ERBB4: variants seen among roughly 807,000 people sequenced by gnomAD.
ERBB4 encodes the protein erb-b2 receptor tyrosine kinase 4.
In ERBB4, 42 loss-of-function variants were observed where a neutral mutation model predicts 158.0. The ratio of observed to expected loss-of-function variants is 0.27; its 90% CI spans 0.21 to 0.34. ERBB4 has a LOEUF of 0.34. ERBB4 is among the 10% of genes least tolerant of loss of function. ERBB4 has a pLI of 1.00. For synonymous variants in ERBB4, 583 were observed against 558.7 expected, an observed-to-expected ratio of 1.04 and a Z score of -0.61; for missense variants, 1,333 against 1,624.1, an observed-to-expected ratio of 0.82 and a Z score of 3.08.
intron 19 of ERBB4, among the ~76,000 whole-genome samples, chr2:211,602,183 C>T (rs930978419): frequency 1.3e-5 from 2 of 152,022 alleles, no homozygotes; most frequent in East Asian, 1.9e-4. Context: ...GTCACAGGCC[C>T]AGGACCTGAT....
At chr2:211,653,521 A>G (rs1335170619) in intron 16 of ERBB4, among the ~76,000 whole-genome samples, 1 of 147,554 alleles carries the variant, frequency 6.8e-6, no homozygotes, top group Admixed American at 6.8e-5. Flanking sequence ...ACAGAATACA[A>G]TATAATGGGG....
At chr2:211,778,458 A>T (rs1047188791) in intron 4 of ERBB4, 2 of 152,236 alleles carry the variant, frequency 1.3e-5, no homozygotes, top group Admixed American at 1.3e-4. Context: ...CATTCGTTAT[A>T]ATCTTCTTTA....
At position 211,562,639 on chromosome 2, in the gene ERBB4, TTAA is replaced by T. The variant is rs565491907; in HGVS notation, c.2302-554_2302-552del. ...CAATTTATATAAAATAATAAACATT[TTAA>T]TAAGATATTTTGTTTCATAATTTTA... On this transcript the variant is annotated intron_variant, in intron 19 of 27. Transcript: ENST00000342788. 2.5e-3 allele frequency among the ~76,000 whole-genome samples: 386 copies of T among 152,268 alleles called. 3 individuals carry two copies. The highest frequency in any genetic ancestry group is 8.8e-3 in the African/African-American group (365 of 41,546).
At chr2:211,683,768 A>C (rs538564462) in intron 12 of ERBB4, among the ~76,000 whole-genome samples, 1 of 151,754 alleles carries the variant, frequency 6.6e-6, no homozygotes, top group South Asian at 2.1e-4. Context: ...GAAAGTAGCA[A>C]ACTATTTTCT....
At chr2:212,426,619 T>C (rs1043184978) in intron 1 of ERBB4, among the ~76,000 whole-genome samples, 1 of 152,102 alleles carries the variant, frequency 6.6e-6, no homozygotes, top group Non-Finnish European at 1.5e-5. Flanking sequence ...ATATCTAACA[T>C]CACTGATCTA....
intron 1 of ERBB4, among the ~76,000 whole-genome samples, chr2:212,413,277 C>T (rs1271192270): frequency 2.6e-5 from 4 of 151,742 alleles, no homozygotes; most frequent in East Asian, 1.9e-4. Context: ...CGAGCCACCC[C>T]GCCCAGCCTA....
Position 212,095,946 on chromosome 2 carries a change from G to A in ERBB4, c.234+28806C>T, listed in dbSNP as rs72937797. ...CGAGACTCTGTCTCAAAAAAAAAAA[G>A]AAAAAAAAAAAAAGAAAGAAAGAAG... On this transcript the variant is annotated intron_variant, in intron 2 of 27. Transcript: ENST00000342788. Among the ~76,000 whole-genome samples the A allele has an allele frequency of 6.2e-3, 808 of 129,642 alleles. 1 individual carries two copies. Among genetic ancestry groups the A allele is most frequent in the Middle Eastern group, 0.017 (4 of 238 alleles). 85.1% of individuals were successfully genotyped at this position (129,642 alleles called of 152,430 possible). A position where few individuals can be genotyped will look rare whatever the true frequency, so the allele number is the denominator to read the frequency against.
chr2:212,454,387 G>A (rs1022512597), intron 1 of ERBB4, among the ~76,000 whole-genome samples: 3 of 152,086 alleles, frequency 2.0e-5, no homozygotes, highest in African/African-American at 4.8e-5. Context: ...CTCAATGAAT[G>A]CTTAGCATGA....
intron 19 of ERBB4, among the ~76,000 whole-genome samples, chr2:211,604,343 T>C (rs1013095203): frequency 1.3e-5 from 2 of 152,206 alleles, no homozygotes; most frequent in Admixed American, 6.5e-5. Flanking sequence ...ACTGATTTTG[T>C]TCTTACTTAC....
intron 1 of ERBB4, among the ~76,000 whole-genome samples, chr2:212,184,395 T>TTA (rs2081957147): frequency 1.3e-5 from 2 of 152,212 alleles, no homozygotes; most frequent in South Asian, 4.1e-4. Context: ...CCTTTAATAC[T>TTA]TATATATATA....
At chr2:211,468,505 T>C (rs1375652176) in intron 20 of ERBB4, among the ~76,000 whole-genome samples, 1 of 152,088 alleles carries the variant, frequency 6.6e-6, no homozygotes, top group Non-Finnish European at 1.5e-5. Flanking sequence ...GAAACCTATA[T>C]AAAAATCTGG....
intron 20 of ERBB4, among the ~76,000 whole-genome samples, chr2:211,504,448 G>GAA: frequency 7.1e-6 from 1 of 141,176 alleles, no homozygotes; most frequent in African/African-American, 2.6e-5. Flanking sequence ...AAGTGGGGAA[G>GAA]AAAAAAAAAA....
chr2:211,894,276 T>C (rs6435679), intron 3 of ERBB4, among the ~76,000 whole-genome samples: 21,170 of 145,132 alleles, frequency 0.15, 1,933 homozygotes, highest in African/African-American at 0.26. Context: ...ATGGATGAAA[T>C]TGGAAATCAT....
At chr2:211,488,480 T>C (rs964100769) in intron 20 of ERBB4, among the ~76,000 whole-genome samples, 1 of 152,106 alleles carries the variant, frequency 6.6e-6, no homozygotes, top group African/African-American at 2.4e-5. Flanking sequence ...AATAAAGATT[T>C]CTTAAAATAA....
rs116449547 is a variant in ERBB4 at position 212,382,077 on chromosome 2, G to A, written c.82+156372C>T. 8.2e-3 allele frequency among the ~76,000 whole-genome samples: 1,236 copies of A among 150,522 alleles called. 11 individuals are homozygous for A. The highest frequency in any genetic ancestry group is 0.028 in the African/African-American group (1,173 of 41,228). Reference sequence around the variant, plus strand: ...CCCCAGGCCTACTAAATCAGATTCTGCATTTCACTATAAATATATATTATT... The same window carrying A: ...CCCCAGGCCTACTAAATCAGATTCTACATTTCACTATAAATATATATTATT... On this transcript the variant is annotated intron_variant, in intron 1 of 27. Transcript: ENST00000342788.
At chr2:212,128,399 G>A (rs912175302) in intron 1 of ERBB4, among the ~76,000 whole-genome samples, 10 of 152,156 alleles carry the variant, frequency 6.6e-5, no homozygotes, top group South Asian at 2.1e-4. Context: ...GCCTGACTTT[G>A]CCTGGTTTAT....
At chr2:211,669,971 G>A (rs1372382300) in intron 14 of ERBB4, among the ~76,000 whole-genome samples, 2 of 152,150 alleles carry the variant, frequency 1.3e-5, no homozygotes, top group Non-Finnish European at 2.9e-5. Flanking sequence ...GTAAACATAA[G>A]TATATATCAG....
chr2:211,807,155 T>TA (rs892401191), intron 3 of ERBB4, among the ~76,000 whole-genome samples: 12 of 152,148 alleles, frequency 7.9e-5, no homozygotes, highest in African/African-American at 2.4e-4. Context: ...ATTTTTTTTT[T>TA]AATTATACTT....
chr2:212,219,226 AT>A (rs2083206393), intron 1 of ERBB4, among the ~76,000 whole-genome samples: 1 of 151,398 alleles, frequency 6.6e-6, no homozygotes, highest in African/African-American at 2.4e-5. Flanking sequence ...AACTAAAACC[AT>A]TTCTTATTTT....
Sources: allele counts gnomAD v4.1 joint callset (sites outside exome capture counted in the v4.1 genomes callset), GRCh38; gene constraint gnomAD v4.1.1; transcripts MANE v1.5; gene names NCBI Gene and HGNC (gene_info 2026-07-23, HGNC 2026-07-21).